The following DLG2 variants were observed in gnomAD, a reference collection of about 807,000 sequenced individuals.
The protein encoded by DLG2 is disks large homolog 2.
In DLG2, 45 loss-of-function variants were observed where a neutral mutation model predicts 132.5. That is an observed-to-expected ratio of 0.34 (90% CI 0.27 to 0.44). DLG2 has a LOEUF of 0.44. DLG2 is among the 20% of genes least tolerant of loss of function. The probability of loss-of-function intolerance (pLI) is 1.00; values close to 1 mark genes in which losing one functional copy is unlikely to be tolerated. For missense variants in DLG2, 1,045 were observed against 1,196.9 expected, an observed-to-expected ratio of 0.87 and a Z score of 1.87; for synonymous variants, 424 against 419.6, an observed-to-expected ratio of 1.01 and a Z score of -0.13.
At chr11:84,699,190 T>A (rs1292627062) in intron 6 of DLG2, among the ~76,000 whole-genome samples, 1 of 151,572 alleles carries the variant, frequency 6.6e-6, no homozygotes, top group Non-Finnish European at 1.5e-5. Flanking sequence ...GCCAGGCAGC[T>A]TTGCATAAGG....
intron 6 of DLG2, among the ~76,000 whole-genome samples, chr11:85,096,323 A>G (rs2069762990): frequency 6.6e-6 from 1 of 152,144 alleles, no homozygotes; most frequent in Admixed American, 6.5e-5. Flanking sequence ...CACTACCTTT[A>G]TGAGCTGTAA....
chr11:84,136,147 C>T (rs2094592641), intron 9 of DLG2, among the ~76,000 whole-genome samples: 1 of 152,092 alleles, frequency 6.6e-6, no homozygotes, highest in Non-Finnish European at 1.5e-5. Context: ...CTGGCTTTTT[C>T]ATACAAACCC....
At chr11:84,248,943 T>A (rs2097337871) in intron 8 of DLG2, among the ~76,000 whole-genome samples, 1 of 152,146 alleles carries the variant, frequency 6.6e-6, no homozygotes, top group Admixed American at 6.5e-5. Context: ...AAACCTGGTA[T>A]TTGGAAGAAT....
At chr11:83,749,779 T>C (rs912735031) in intron 18 of DLG2, among the ~76,000 whole-genome samples, 3 of 152,156 alleles carry the variant, frequency 2.0e-5, no homozygotes, top group African/African-American at 7.2e-5. Flanking sequence ...CTGGGGAAAA[T>C]TGGCAGATAC....
At chr11:85,039,069 G>C (rs1263362224) in intron 6 of DLG2, among the ~76,000 whole-genome samples, 2 of 151,868 alleles carry the variant, frequency 1.3e-5, no homozygotes, top group South Asian at 4.1e-4. Flanking sequence ...CTTCTAAAGA[G>C]ATTTTAAATT....
chr11:83,967,194 A>G (rs996585068), intron 12 of DLG2, among the ~76,000 whole-genome samples: 5 of 152,146 alleles, frequency 3.3e-5, no homozygotes, highest in African/African-American at 9.6e-5. Context: ...TGCATTGAAC[A>G]TGGGAGTGCA....
At chr11:85,421,216 G>A (rs2090280761) in intron 3 of DLG2, among the ~76,000 whole-genome samples, 1 of 152,052 alleles carries the variant, frequency 6.6e-6, no homozygotes. Flanking sequence ...TTGGCAAGAG[G>A]AGAGAGTTCC....
chr11:84,008,550 T>G (rs1054250539), intron 11 of DLG2, among the ~76,000 whole-genome samples: 1 of 151,790 alleles, frequency 6.6e-6, no homozygotes, highest in African/African-American at 2.4e-5. Flanking sequence ...CAAAAGATCA[T>G]CAAATGCTTT....
At chr11:83,564,345 G>T (rs182732370) in intron 19 of DLG2, among the ~76,000 whole-genome samples, 1 of 152,260 alleles carries the variant, frequency 6.6e-6, no homozygotes, top group Admixed American at 6.5e-5. Context: ...TGGAATGGGG[G>T]GGGTCAGGAG....
chr11:85,159,226 G>A (rs905884505), intron 4 of DLG2, among the ~76,000 whole-genome samples: 6 of 152,134 alleles, frequency 3.9e-5, no homozygotes, highest in Non-Finnish European at 8.8e-5. Flanking sequence ...ATAGAGATCA[G>A]GTAATTCATG....
At chr11:84,400,964 T>A (rs1358995869) in intron 7 of DLG2, among the ~76,000 whole-genome samples, 4 of 152,094 alleles carry the variant, frequency 2.6e-5, no homozygotes, top group Admixed American at 2.6e-4. Flanking sequence ...CTCCTCCTCC[T>A]CCTCCTCCCC....
At chr11:85,473,105 G>A (rs1376424785) in intron 3 of DLG2, among the ~76,000 whole-genome samples, 2 of 152,232 alleles carry the variant, frequency 1.3e-5, no homozygotes. Context: ...TCTAGCTGCA[G>A]CCTCACACAG....
intron 6 of DLG2, among the ~76,000 whole-genome samples, chr11:84,638,007 T>C (rs935884668): frequency 4.3e-4 from 65 of 152,260 alleles, no homozygotes; most frequent in Non-Finnish European, 7.9e-4. Flanking sequence ...TTTCTCTACC[T>C]TATGTTTGCC....
chr11:83,504,917 C>G (rs960417846), intron 21 of DLG2, among the ~76,000 whole-genome samples: 4 of 152,138 alleles, frequency 2.6e-5, no homozygotes, highest in Admixed American at 2.6e-4. Flanking sequence ...ACCATTCTAT[C>G]AATCCAGTTG....
chr11:85,382,604 G>T (rs559494218), intron 3 of DLG2, among the ~76,000 whole-genome samples: 10 of 151,908 alleles, frequency 6.6e-5, no homozygotes, highest in Non-Finnish European at 1.3e-4. Flanking sequence ...TTTGATAAGG[G>T]TTTATTATTG....
intron 16 of DLG2, among the ~76,000 whole-genome samples, chr11:83,862,807 G>T (rs1378977691): frequency 6.6e-6 from 1 of 152,034 alleles, no homozygotes; most frequent in Admixed American, 6.6e-5. Flanking sequence ...GGAGAAAATT[G>T]GTCACTTAGG....
chr11:84,090,331 T>C (rs1355462478), intron 10 of DLG2, among the ~76,000 whole-genome samples: 2 of 149,176 alleles, frequency 1.3e-5, no homozygotes, highest in Non-Finnish European at 3.0e-5. Context: ...GGAGAATCGC[T>C]TGAACCCAGG....
intron 7 of DLG2, among the ~76,000 whole-genome samples, chr11:84,470,443 C>A (rs910186081): frequency 4.6e-5 from 7 of 151,588 alleles, no homozygotes; most frequent in Admixed American, 2.6e-4. Context: ...TCTAGGGGTT[C>A]GTAGTATAAT....
chr11:84,961,057 T>C (rs149865656), intron 6 of DLG2, among the ~76,000 whole-genome samples: 22 of 152,078 alleles, frequency 1.4e-4, no homozygotes, highest in African/African-American at 4.6e-4. Flanking sequence ...TGTAAATATA[T>C]TGAAATGGAA....
Sources: gnomAD v4.1 joint callset for allele counts (sites outside exome capture counted in the v4.1 genomes callset) on GRCh38, gnomAD v4.1.1 for gene constraint, MANE v1.5 for transcripts, NCBI Gene and HGNC (gene_info 2026-07-23, HGNC 2026-07-21) for gene names.